SEMA6D: variants seen among roughly 807,000 people sequenced by gnomAD.
SEMA6D encodes semaphorin-6D.
A neutral mutation model predicts 106.6 loss-of-function variants in SEMA6D; 35 were observed. That is an observed-to-expected ratio of 0.33 (90% CI 0.25 to 0.44). The LOEUF (loss-of-function observed/expected upper bound fraction) is 0.44. Ranked by LOEUF, SEMA6D falls within the 20% of genes least tolerant of loss-of-function variation. SEMA6D has a pLI of 1.00. For synonymous variants in SEMA6D, 499 were observed against 487.7 expected (o/e 1.02, Z -0.31); for missense variants, 1,185 against 1,345.9 (o/e 0.88, Z 1.87).
intron 1 of SEMA6D, among the ~76,000 whole-genome samples, chr15:47,266,777 A>G (rs1452526471): frequency 6.6e-6 from 1 of 152,064 alleles, no homozygotes; most frequent in Admixed American, 6.6e-5. Context: ...TTAGACATGC[A>G]CTGTCTGGAT....
chr15:47,472,929 A>G (rs2042894745), intron 3 of SEMA6D, among the ~76,000 whole-genome samples: 1 of 152,176 alleles, frequency 6.6e-6, no homozygotes, highest in Non-Finnish European at 1.5e-5. Context: ...AGAGCAAATG[A>G]CACCCATTTT....
chr15:47,464,141 G>T (rs1170816720), intron 2 of SEMA6D, among the ~76,000 whole-genome samples: 2 of 151,998 alleles, frequency 1.3e-5, no homozygotes, highest in African/African-American at 4.8e-5. Context: ...ATCTTTTGGG[G>T]GGCTGCCATT....
intron 7 of SEMA6D, 25 bp from the exon 8 acceptor site, chr15:47,762,175 A>G (rs2082094212): frequency 1.2e-6 from 2 of 1,613,376 alleles, no homozygotes; most frequent in Admixed American, 1.7e-5. Context: ...TGGTTATCTT[A>G]CCAAAATTAT....
At chr15:47,435,463 G>GAA (rs2041671437) in intron 2 of SEMA6D, among the ~76,000 whole-genome samples, 1 of 152,024 alleles carries the variant, frequency 6.6e-6, no homozygotes, top group East Asian at 1.9e-4. Context: ...GCCCTGATAA[G>GAA]AAACACTGAC....
upstream of SEMA6D, among the ~76,000 whole-genome samples, chr15:47,715,851 C>T (rs1008870985): frequency 1.3e-5 from 2 of 152,254 alleles, no homozygotes; most frequent in African/African-American, 2.4e-5. Context: ...AGGTGGGTGG[C>T]GATTTGACTC....
chr15:47,317,598 T>A (rs984876988), intron 1 of SEMA6D, among the ~76,000 whole-genome samples: 1 of 152,196 alleles, frequency 6.6e-6, no homozygotes, highest in Non-Finnish European at 1.5e-5. Context: ...TCTCTTACAC[T>A]TTTGAAGAAT....
chr15:47,732,115 AAT>A (rs2080165752), intron 1 of SEMA6D, among the ~76,000 whole-genome samples: 2 of 152,220 alleles, frequency 1.3e-5, no homozygotes, highest in African/African-American at 4.8e-5. Flanking sequence ...CCTAGAACAC[AAT>A]AAGGTGCTCA....
At chr15:47,308,007 C>G (rs982497769) in intron 1 of SEMA6D, among the ~76,000 whole-genome samples, 4 of 147,134 alleles carry the variant, frequency 2.7e-5, no homozygotes, top group Non-Finnish European at 6.0e-5. Flanking sequence ...TTGTTGCCTG[C>G]AAAAATTTCA....
At chr15:47,612,497 A>G (rs1275060744) in intron 4 of SEMA6D, among the ~76,000 whole-genome samples, 1 of 152,216 alleles carries the variant, frequency 6.6e-6, no homozygotes, top group Admixed American at 6.5e-5. Context: ...AAATGATGCC[A>G]TGAGGGCTAA....
intron 1 of SEMA6D, among the ~76,000 whole-genome samples, chr15:47,354,584 C>A (rs12916787): frequency 6.6e-6 from 1 of 150,664 alleles, no homozygotes; most frequent in African/African-American, 2.4e-5. Flanking sequence ...TATACACACA[C>A]ATATATATGT....
At chr15:47,714,998 T>C (rs1204520764), upstream of SEMA6D, among the ~76,000 whole-genome samples, 1 of 152,196 alleles carries the variant, frequency 6.6e-6, no homozygotes, top group African/African-American at 2.4e-5. Flanking sequence ...TTCAATTTAC[T>C]TAATTACGTA....
intron 3 of SEMA6D, among the ~76,000 whole-genome samples, chr15:47,541,871 T>C (rs2045365540): frequency 6.6e-6 from 1 of 152,298 alleles, no homozygotes; most frequent in South Asian, 2.1e-4. Context: ...CTCTGTGCTG[T>C]TGCTGAATGC....
chr15:47,540,470 T>C (rs754547564), intron 3 of SEMA6D, among the ~76,000 whole-genome samples: 1 of 152,056 alleles, frequency 6.6e-6, no homozygotes, highest in African/African-American at 2.4e-5. Context: ...ATTTATTCAG[T>C]CATAAATTGA....
intron 4 of SEMA6D, among the ~76,000 whole-genome samples, chr15:47,670,539 G>T (rs985998531): frequency 1.3e-5 from 2 of 152,164 alleles, no homozygotes; most frequent in Non-Finnish European, 2.9e-5. Context: ...TTGTCTTAAT[G>T]ATTTCTTCCC....
Position 47,426,025 on chromosome 15 carries a change from G to GT in SEMA6D, c.-159+13555dup, listed in dbSNP as rs578166506. 2.9e-4 allele frequency among the ~76,000 whole-genome samples: 44 copies of GT among 152,190 alleles called. No individual in the cohort carries two copies. In the South Asian group the frequency reaches 8.5e-3, roughly 29 times the overall value. On this transcript the variant is annotated intron_variant, in intron 2 of 19. Coordinates refer to the SEMA6D transcript ENST00000558014. ...GAAATAGCCTGTAAGACACTCCTTAGTTATGCTCTATATACTAATAAATGC... is the reference window on the plus strand; with the variant it reads ...GAAATAGCCTGTAAGACACTCCTTAGTTTATGCTCTATATACTAATAAATGC...
chr15:47,313,719 C>T (rs1427446627), intron 1 of SEMA6D, among the ~76,000 whole-genome samples: 1 of 152,094 alleles, frequency 6.6e-6, no homozygotes, highest in African/African-American at 2.4e-5. Flanking sequence ...CGAACACCAC[C>T]ATACTCAGCT....
At chr15:47,262,346 G>C (rs2034115078) in intron 1 of SEMA6D, among the ~76,000 whole-genome samples, 1 of 152,126 alleles carries the variant, frequency 6.6e-6, no homozygotes, top group Admixed American at 6.6e-5. Context: ...ACTCGAGATT[G>C]AGCAATTTAT....
intron 1 of SEMA6D, among the ~76,000 whole-genome samples, chr15:47,231,144 C>A (rs2032165950): frequency 6.6e-6 from 1 of 151,904 alleles, no homozygotes; most frequent in African/African-American, 2.4e-5. Flanking sequence ...CTGCTTTCCT[C>A]TTTTCTCCCT....
chr15:47,518,521 C>T (rs1441889130), intron 3 of SEMA6D, among the ~76,000 whole-genome samples: 1 of 152,182 alleles, frequency 6.6e-6, no homozygotes, highest in Non-Finnish European at 1.5e-5. Context: ...CATTGCTCCT[C>T]AGCTACAAAC....
Sources: allele counts gnomAD v4.1 joint callset (sites outside exome capture counted in the v4.1 genomes callset), GRCh38; gene constraint gnomAD v4.1.1; transcripts MANE v1.5; gene names NCBI Gene and HGNC (gene_info 2026-07-23, HGNC 2026-07-21).